TUSC3: variants seen among roughly 807,000 people sequenced by gnomAD.
TUSC3 encodes tumor suppressor candidate 3.
Under a neutral mutation model 44.8 loss-of-function variants are expected in TUSC3, and 45 were observed. That is an observed-to-expected ratio of 1.00 (90% CI 0.79 to 1.29). The LOEUF (loss-of-function observed/expected upper bound fraction) is 1.29. Ranked by LOEUF, TUSC3 falls within the 50% of genes most tolerant of loss-of-function variation. The pLI, the probability that TUSC3 is intolerant of heterozygous loss-of-function variation, is 0.00. For missense variants in TUSC3, 519 were observed against 437.9 expected, an observed-to-expected ratio of 1.19 and a Z score of -1.65; for synonymous variants, 212 against 152.9, an observed-to-expected ratio of 1.39 and a Z score of -2.85.
intron 2 of TUSC3, among the ~76,000 whole-genome samples, chr8:15,504,612 TATATATATA>T (rs1324164471): frequency 2.0e-3 from 59 of 29,434 alleles, no homozygotes; most frequent in African/African-American, 3.8e-3. Context: ...TATATATATA[TATATATATA>T]TTTTTTTTTT....
At chr8:15,625,152 AT>A (rs1335643175) in intron 2 of TUSC3, among the ~76,000 whole-genome samples, 5 of 152,132 alleles carry the variant, frequency 3.3e-5, no homozygotes, top group Non-Finnish European at 7.4e-5. Context: ...ACATTGATTG[AT>A]TTTCAAATGT....
chr8:15,602,219 C>G (rs1804317695), intron 1 of TUSC3, among the ~76,000 whole-genome samples: 1 of 151,632 alleles, frequency 6.6e-6, no homozygotes, highest in Admixed American at 6.6e-5. Context: ...ATGAGGGATA[C>G]TCAGCCTATA....
chr8:15,435,134 T>C (rs1436706143), intron 1 of TUSC3, among the ~76,000 whole-genome samples: 1 of 149,638 alleles, frequency 6.7e-6, no homozygotes, highest in African/African-American at 2.5e-5. Flanking sequence ...ATGGTTGAAC[T>C]AGTTTACAGT....
At chr8:15,623,900 C>T (rs12545746) in intron 2 of TUSC3, among the ~76,000 whole-genome samples, 79,024 of 151,816 alleles carry the variant, frequency 0.52, 20,894 homozygotes, top group East Asian at 0.6. Flanking sequence ...CAGACAAATG[C>T]GGAACAGCTC....
intron 2 of TUSC3, among the ~76,000 whole-genome samples, chr8:15,509,221 T>A (rs1801099936): frequency 6.6e-6 from 1 of 152,226 alleles, no homozygotes; most frequent in Non-Finnish European, 1.5e-5. Flanking sequence ...TGATAGTCTT[T>A]TCTTCTTTCT....
chr8:15,461,627 T>A (rs62501889), intron 1 of TUSC3, among the ~76,000 whole-genome samples: 7,906 of 152,116 alleles, frequency 0.052, 259 homozygotes, highest in East Asian at 0.14. Context: ...TCAGAGGGAA[T>A]ACGTTCTACT....
chr8:15,555,918 T>C (rs908466662), intron 1 of TUSC3, among the ~76,000 whole-genome samples: 1 of 150,848 alleles, frequency 6.6e-6, no homozygotes, highest in Admixed American at 6.6e-5. Context: ...TAAAAATATA[T>C]CAATAATGTA....
At chr8:15,755,433 C>G (rs991678617) in intron 9 of TUSC3, among the ~76,000 whole-genome samples, 9 of 151,878 alleles carry the variant, frequency 5.9e-5, no homozygotes, top group Non-Finnish European at 1.3e-4. Flanking sequence ...TTTCTTTACG[C>G]TAAAGATTAA....
intron 2 of TUSC3, among the ~76,000 whole-genome samples, chr8:15,534,202 G>T (rs1286494949): frequency 1.3e-5 from 2 of 152,132 alleles, no homozygotes; most frequent in Admixed American, 6.5e-5. Context: ...AAAATGAAAA[G>T]ATCTTAGTTG....
intron 9 of TUSC3, among the ~76,000 whole-genome samples, chr8:15,751,755 A>T (rs1811714840): frequency 6.6e-6 from 1 of 152,206 alleles, no homozygotes; most frequent in South Asian, 2.1e-4. Context: ...TGTATTTGGG[A>T]AAAAGGTGTG....
At chr8:15,653,556 T>A (rs1245462480) in intron 3 of TUSC3, among the ~76,000 whole-genome samples, 1 of 152,196 alleles carries the variant, frequency 6.6e-6, no homozygotes, top group Non-Finnish European at 1.5e-5. Context: ...TTGAAACATT[T>A]TCTCAGGTTA....
At chr8:15,497,796 G>T (rs1800903095) in intron 2 of TUSC3, among the ~76,000 whole-genome samples, 1 of 151,266 alleles carries the variant, frequency 6.6e-6, no homozygotes, top group East Asian at 1.9e-4. Flanking sequence ...CCAGGCTGGA[G>T]TGCAATGGTG....
chr8:15,577,624 A>G (rs1210917048), intron 1 of TUSC3, among the ~76,000 whole-genome samples: 1 of 147,482 alleles, frequency 6.8e-6, no homozygotes, highest in Non-Finnish European at 1.5e-5. Flanking sequence ...AGATAGTTGT[A>G]GATATGCGGT....
intron 7 of TUSC3, among the ~76,000 whole-genome samples, 166 bp downstream of exon 7, chr8:15,730,895 G>A (rs1038954677): frequency 1.3e-5 from 2 of 151,670 alleles, no homozygotes; most frequent in Non-Finnish European, 2.9e-5. Flanking sequence ...TTCCTATTAC[G>A]GTATAATTTG....
intron 1 of TUSC3, among the ~76,000 whole-genome samples, chr8:15,483,210 G>A (rs569086435): frequency 2.0e-5 from 3 of 152,118 alleles, no homozygotes; most frequent in Non-Finnish European, 2.9e-5. Context: ...AGAAATGGGA[G>A]TAAATAGGAA....
intron 6 of TUSC3, among the ~76,000 whole-genome samples, chr8:15,709,153 A>G (rs1809739460): frequency 6.6e-6 from 1 of 151,888 alleles, no homozygotes; most frequent in African/African-American, 2.4e-5. Context: ...TATGTTTGGG[A>G]AGGTATACTG....
intron 5 of TUSC3, among the ~76,000 whole-genome samples, chr8:15,671,434 A>T (rs1446514864): frequency 6.6e-6 from 1 of 152,074 alleles, no homozygotes; most frequent in Non-Finnish European, 1.5e-5. Flanking sequence ...TGCATCAGTT[A>T]TGAGAATTTT....
the TUSC3 span, among the ~76,000 whole-genome samples, chr8:15,832,188 A>G: frequency 6.6e-6 from 1 of 152,208 alleles, no homozygotes; most frequent in Non-Finnish European, 1.5e-5. Flanking sequence ...ACATCTGGCC[A>G]AATTAAGCTT....
chr8:15,499,051 A>G (rs961597339), intron 2 of TUSC3, among the ~76,000 whole-genome samples: 5 of 150,592 alleles, frequency 3.3e-5, no homozygotes, highest in Non-Finnish European at 7.4e-5. Context: ...TATTCTCTCC[A>G]TTCTTCTCCA....
Sources: allele counts gnomAD v4.1 joint callset (sites outside exome capture counted in the v4.1 genomes callset), GRCh38; gene constraint gnomAD v4.1.1; transcripts MANE v1.5; gene names NCBI Gene and HGNC (gene_info 2026-07-23, HGNC 2026-07-21).